Variants in ARHGAP6 observed in about 807,000 individuals in gnomAD.
ARHGAP6 encodes the protein rho GTPase-activating protein 6.
Under a neutral mutation model 55.7 loss-of-function variants are expected in ARHGAP6, and 16 were observed. That is an observed-to-expected ratio of 0.29 (90% confidence interval 0.19 to 0.44). The LOEUF is 0.44. ARHGAP6 is among the 20% of genes least tolerant of loss of function. ARHGAP6 has a pLI of 1.00. For missense variants in ARHGAP6, 698 were observed against 808.9 expected (o/e 0.86, Z 1.66); for synonymous variants, 382 against 360.9 (o/e 1.06, Z -0.66).
rs183330201 is a variant in ARHGAP6 at position 11,414,965 on chromosome X, C to T, written c.589-160258G>A. On this transcript the variant is annotated intron_variant, in intron 1 of 12. Coordinates refer to ENST00000337414, the MANE Select transcript of ARHGAP6 (RefSeq NM_013427.3). ...TCATATTCCTTGTTCAACATGGTGA[C>T]TATAGTTAATAACAATGTATTATAT... Among the ~76,000 whole-genome samples, 583 of 111,244 alleles carry T rather than the reference C, an allele frequency of 5.2e-3. 4 individuals carry two copies. Among genetic ancestry groups the T allele is most frequent in the African/African-American group, 0.014 (434 of 30,618 alleles).
At chrX:11,221,458 G>C (rs2046969176) in intron 2 of ARHGAP6, 1 of 152,891 alleles carries the variant, frequency 6.5e-6, no homozygotes, top group African/African-American at 3.2e-5. Context: ...GTACGAATTA[G>C]TGGACAAGAC....
At position 11,573,685 on chromosome X, in the gene ARHGAP6, A is replaced by T. The variant is rs1307900920; in HGVS notation, c.588+90556T>A. ...GCGATGTGGGCTCTTTTTTGGTTCC[A>T]TATGAACTTTAAAGTAGTTTTTTCC... On this transcript the variant is annotated intron_variant, in intron 1 of 12. Coordinates refer to ENST00000337414, the MANE Select transcript of ARHGAP6 (RefSeq NM_013427.3). 3.6e-5 allele frequency among the ~76,000 whole-genome samples: 4 copies of T among 110,453 alleles called. No individual in the cohort carries two copies. The East Asian group carries it at 1.1e-3, about 31-fold the overall frequency.
chrX:11,469,858 G>A (rs1414677450), intron 1 of ARHGAP6, among the ~76,000 whole-genome samples: 4 of 111,688 alleles, frequency 3.6e-5, no homozygotes, highest in Non-Finnish European at 5.6e-5. Context: ...AGAGGCAGGA[G>A]AGAGAGGTGG....
rs748355327 is a variant in ARHGAP6 at position 11,463,704 on chromosome X, CAT to C, written c.588+200535_588+200536del. ...ATGAGTGTGTCCCCCTGGGAGTGCACATAACTTTGAAAATGTGATTCCATTAA... is the reference window on the plus strand; with the variant it reads ...ATGAGTGTGTCCCCCTGGGAGTGCACAACTTTGAAAATGTGATTCCATTAA... On this transcript the variant is annotated intron_variant, in intron 1 of 12. Transcript: ENST00000337414. Among the ~76,000 whole-genome samples the C allele has an allele frequency of 2.7e-5, 3 of 112,129 alleles. No individual in the cohort carries two copies. In the Admixed American group the frequency reaches 2.8e-4, roughly 11 times the overall value.
At chrX:11,232,152 C>T (rs1269568124) in intron 2 of ARHGAP6, among the ~76,000 whole-genome samples, 3 of 111,742 alleles carry the variant, frequency 2.7e-5, no homozygotes, top group Non-Finnish European at 5.6e-5. Flanking sequence ...TACAGTTATT[C>T]GAGTGTGCTA....
At chrX:11,406,208 A>T (rs1168519258) in intron 1 of ARHGAP6, among the ~76,000 whole-genome samples, 12 of 110,695 alleles carry the variant, frequency 1.1e-4, no homozygotes, top group Non-Finnish European at 7.6e-5. Flanking sequence ...CGAGAATTGT[A>T]AAGATTATAA....
intron 1 of ARHGAP6, among the ~76,000 whole-genome samples, chrX:11,508,490 C>T (rs918333060): frequency 1.8e-5 from 2 of 111,375 alleles, no homozygotes; most frequent in Non-Finnish European, 3.8e-5. Flanking sequence ...CTTGCCCTGA[C>T]CCCGACTGTA....
At chrX:11,546,990 A>T (rs747721049) in intron 1 of ARHGAP6, among the ~76,000 whole-genome samples, 11 of 112,538 alleles carry the variant, frequency 9.8e-5, no homozygotes, top group Non-Finnish European at 1.5e-4. Flanking sequence ...GAAATGCAAG[A>T]ATTACAAGAA....
intron 1 of ARHGAP6, among the ~76,000 whole-genome samples, chrX:11,398,913 T>C (rs1252075612): frequency 2.7e-5 from 3 of 112,088 alleles, no homozygotes; most frequent in Non-Finnish European, 5.6e-5. Flanking sequence ...TGTCTCTCCT[T>C]AGCCTAGAGT....
At chrX:11,657,057 G>A (rs994643445) in intron 1 of ARHGAP6, among the ~76,000 whole-genome samples, 1 of 111,772 alleles carries the variant, frequency 8.9e-6, no homozygotes, top group Non-Finnish European at 1.9e-5. Flanking sequence ...CTGTGTGAGT[G>A]GCCAGCTTGG....
chrX:11,306,571 C>T (rs1324919853), intron 1 of ARHGAP6, among the ~76,000 whole-genome samples: 1 of 112,573 alleles, frequency 8.9e-6, no homozygotes, highest in Non-Finnish European at 1.9e-5. Flanking sequence ...GTCTCTATCA[C>T]CAATTTACAA....
At chrX:11,212,872 G>A (rs1397295339) in intron 2 of ARHGAP6, among the ~76,000 whole-genome samples, 2 of 112,588 alleles carry the variant, frequency 1.8e-5, no homozygotes, top group African/African-American at 3.2e-5. Context: ...AGGCTCCTCT[G>A]AGGGCCTGAG....
intron 1 of ARHGAP6, among the ~76,000 whole-genome samples, chrX:11,455,296 C>T (rs1247654081): frequency 8.9e-6 from 1 of 112,064 alleles, no homozygotes; most frequent in Non-Finnish European, 1.9e-5. Context: ...CTTCTTTTTG[C>T]AATAATGGTT....
chrX:11,493,017 T>G (rs974962114), intron 1 of ARHGAP6, among the ~76,000 whole-genome samples: 1 of 111,851 alleles, frequency 8.9e-6, no homozygotes, highest in African/African-American at 3.3e-5. Context: ...TCATCTTGGG[T>G]CCCCAGCTGA....
chrX:11,500,254 G>T (rs2050662591), intron 1 of ARHGAP6, among the ~76,000 whole-genome samples: 1 of 111,245 alleles, frequency 9.0e-6, no homozygotes, highest in Admixed American at 9.6e-5. Context: ...CATCCATGGG[G>T]GTTCCCTCTC....
At chrX:11,388,565 C>G (rs1444038179) in intron 1 of ARHGAP6, among the ~76,000 whole-genome samples, 1 of 111,733 alleles carries the variant, frequency 8.9e-6, no homozygotes, top group Non-Finnish European at 1.9e-5. Context: ...TTAATTAGAT[C>G]CCATTTGTCA....
chrX:11,150,717 C>A (rs186208244), intron 10 of ARHGAP6, among the ~76,000 whole-genome samples: 41 of 111,369 alleles, frequency 3.7e-4, no homozygotes, highest in Non-Finnish European at 5.1e-4. Context: ...TGAGCCCAGG[C>A]GGTTGAGGCT....
intron 1 of ARHGAP6, among the ~76,000 whole-genome samples, chrX:11,460,432 G>A (rs1026956424): frequency 9.0e-6 from 1 of 111,651 alleles, no homozygotes; most frequent in Non-Finnish European, 1.9e-5. Flanking sequence ...TAGGACCCTT[G>A]TATGACCCTG....
chrX:11,393,049 G>A (rs1038529392), intron 1 of ARHGAP6, among the ~76,000 whole-genome samples: 1 of 111,133 alleles, frequency 9.0e-6, no homozygotes, highest in Admixed American at 9.6e-5. Context: ...TAGTCAGTTA[G>A]TTTGTATTAC....
Sources: gnomAD v4.1 joint callset for allele counts (sites outside exome capture counted in the v4.1 genomes callset) on GRCh38, gnomAD v4.1.1 for gene constraint, MANE v1.5 for transcripts, NCBI Gene and HGNC (gene_info 2026-07-23, HGNC 2026-07-21) for gene names.